The following ZFHX3 variants were observed in gnomAD, a reference collection of about 807,000 sequenced individuals.
ZFHX3 encodes zinc finger homeobox protein 3.
Under a neutral mutation model 279.1 loss-of-function variants are expected in ZFHX3, and 42 were observed. The ratio of observed to expected loss-of-function variants is 0.15; its 90% CI spans 0.12 to 0.19. The LOEUF (loss-of-function observed/expected upper bound fraction) is 0.19. ZFHX3 is among the 10% of genes least tolerant of loss of function. The probability of loss-of-function intolerance (pLI) is 1.00; values close to 1 mark genes in which losing one functional copy is unlikely to be tolerated. For missense variants in ZFHX3, 4,981 were observed against 4,754.0 expected (o/e 1.05, Z -1.40); for synonymous variants, 2,293 against 1,957.8 (o/e 1.17, Z -4.52).
At chr16:73,724,360 C>T (rs2053500289) in intron 1 of ZFHX3, among the ~76,000 whole-genome samples, 1 of 152,228 alleles carries the variant, frequency 6.6e-6, no homozygotes, top group African/African-American at 2.4e-5. Flanking sequence ...AACCTGTGGT[C>T]ATCAGGCAGA....
chr16:72,979,511 A>G (rs1462837812), intron 1 of ZFHX3, among the ~76,000 whole-genome samples: 1 of 152,202 alleles, frequency 6.6e-6, no homozygotes, highest in African/African-American at 2.4e-5. Flanking sequence ...CTTCACTGTT[A>G]AAATGGAAAT....
At chr16:73,093,629 T>G (rs758375861) in intron 7 of ZFHX3, 29 of 495,894 alleles carry the variant, frequency 5.8e-5, no homozygotes, top group Non-Finnish European at 1.1e-4. Context: ...GAAGGATGAG[T>G]GAACTCGGCC....
In ZFHX3 at chr16:72,959,122, G is replaced by A; in HGVS notation, c.1024C>T (p.Pro342Ser). Residue 342 changes from proline to serine, a missense_variant, in exon 2 of 10, where the codon CCA (proline) becomes TCA (serine). Pro to Ser is a moderately conservative substitution (Grantham distance 74, BLOSUM62 -1). Around this residue, in one of 7 missense-constraint regions of ZFHX3, gnomAD observed 1,068 missense variants for 935.2 expected, o/e 1.14. Coordinates refer to ENST00000268489, the MANE Select transcript of ZFHX3 (RefSeq NM_006885.4). ...DKEPLVSFLE[P>S]KNKNFQHPLV... ...GGGTGTTGAAAGTTTTTGTTTTTTG[G>A]TTCCAGAAAACTTACAAGGGGTTCC... 6.2e-7 allele frequency: 1 copy of A among 1,614,154 alleles called. No homozygotes were observed. The highest frequency in any genetic ancestry group is 8.5e-7 in the Non-Finnish European group (1 of 1,180,026).
intron 1 of ZFHX3, among the ~76,000 whole-genome samples, chr16:73,821,331 G>T (rs1187021028): frequency 6.6e-6 from 1 of 152,178 alleles, no homozygotes; most frequent in Admixed American, 6.6e-5. Flanking sequence ...ACACTGAGGA[G>T]GTATATGGAT....
intron 2 of ZFHX3, among the ~76,000 whole-genome samples, chr16:73,581,329 A>C (rs958500464): frequency 6.6e-6 from 1 of 151,860 alleles, no homozygotes; most frequent in Non-Finnish European, 1.5e-5. Flanking sequence ...CCAAAGTCCT[A>C]TCTACATTAA....
At chr16:73,095,933 C>G (rs1966157002) in intron 7 of ZFHX3, among the ~76,000 whole-genome samples, 1 of 152,204 alleles carries the variant, frequency 6.6e-6, no homozygotes, top group South Asian at 2.1e-4. Flanking sequence ...CTTACTGTAG[C>G]AAACTTTCTT....
chr16:73,025,118 G>C (rs1205195226), intron 1 of ZFHX3, among the ~76,000 whole-genome samples: 1 of 152,234 alleles, frequency 6.6e-6, no homozygotes, highest in Non-Finnish European at 1.5e-5. Flanking sequence ...AACGAAGGGA[G>C]GGTCATTTAG....
intron 1 of ZFHX3, among the ~76,000 whole-genome samples, chr16:73,735,626 C>T (rs1163774647): frequency 6.6e-6 from 1 of 152,114 alleles, no homozygotes; most frequent in African/African-American, 2.4e-5. Flanking sequence ...CCACTATCAC[C>T]AAACAATGAC....
rs532140031 is a variant in ZFHX3, at chr16:73,796,939, C to T, written c.-1608+94712G>A. Reference sequence around the variant, plus strand: ...AGTGAAGGCTGAGTGCAGTGGCTCACGCCTGTAATCCCAGCACTTTGGGAG... The same window carrying T: ...AGTGAAGGCTGAGTGCAGTGGCTCATGCCTGTAATCCCAGCACTTTGGGAG... On this transcript the variant is annotated intron_variant, in intron 1 of 17. Transcript: ENST00000641206. Among the ~76,000 whole-genome samples the T allele has an allele frequency of 6.9e-4, 105 of 152,214 alleles. 1 individual carries two copies. The highest frequency in any genetic ancestry group is 1.9e-3 in the African/African-American group (78 of 41,534).
rs60955432 is a variant in ZFHX3 at position 73,631,927 on chromosome 16, TCACACACA to T, written c.-1547+48245_-1547+48252del. Among the ~76,000 whole-genome samples, 741 of 136,786 alleles carry T rather than the reference TCACACACA, an allele frequency of 5.4e-3. 7 individuals carry two copies. The highest frequency in any genetic ancestry group is 0.014 in the African/African-American group (482 of 34,416). 89.7% of individuals were successfully genotyped at this position (136,786 alleles called of 152,430 possible). A position where few individuals can be genotyped will look rare whatever the true frequency, so the allele number is the denominator to read the frequency against. Reference sequence around the variant, plus strand: ...CTCTCTCTCTCTCTCTCTCTCTCTCTCACACACACACACACACACACACACACACACAC... The same window carrying T: ...CTCTCTCTCTCTCTCTCTCTCTCTCTCACACACACACACACACACACACAC... On this transcript the variant is annotated intron_variant, in intron 2 of 17. Transcript: ENST00000641206.
intron 3 of ZFHX3, among the ~76,000 whole-genome samples, chr16:73,392,949 C>G (rs1370890595): frequency 6.6e-6 from 1 of 152,242 alleles, no homozygotes; most frequent in East Asian, 1.9e-4. Context: ...ATTCTCCCGC[C>G]TCAGCCTCCT....
At chr16:73,025,027 C>T (rs74030209) in intron 1 of ZFHX3, among the ~76,000 whole-genome samples, 5,502 of 152,240 alleles carry the variant, frequency 0.036, 317 homozygotes, top group East Asian at 0.29. Context: ...ATATGATCTC[C>T]GCATGTATCC....
intron 4 of ZFHX3, among the ~76,000 whole-genome samples, chr16:73,304,020 G>A (rs945238282): frequency 2.1e-4 from 31 of 144,744 alleles, no homozygotes; most frequent in African/African-American, 7.8e-4. Context: ...TCTCTGTGTT[G>A]TGTATCCTCA....
intron 4 of ZFHX3, among the ~76,000 whole-genome samples, chr16:73,287,200 T>G (rs2014634298): frequency 7.0e-6 from 1 of 143,706 alleles, no homozygotes; most frequent in Admixed American, 6.9e-5. Context: ...GTGTGGTCAG[T>G]GTATGGCTGT....
In ZFHX3 at chr16:73,349,752, C is replaced by A. The variant is rs1247297784; in HGVS notation, c.-1290-31416G>T. 1.1e-4 allele frequency among the ~76,000 whole-genome samples: 9 copies of A among 80,192 alleles called. No homozygotes were observed. In the East Asian group the frequency reaches 1.3e-3, roughly 12 times the overall value. The allele number at this position is 80,192 out of a possible 152,430, so 52.6% of individuals were successfully genotyped here. On this transcript the variant is annotated intron_variant, in intron 3 of 17. Coordinates refer to the ZFHX3 transcript ENST00000641206. ...CCCTCTCCCTTCCTTCCCTCCCTCC[C>A]TCCCTCCTTCCTCCCTCTTTTTTCC...
intron 1 of ZFHX3, among the ~76,000 whole-genome samples, chr16:73,721,280 C>T (rs145984937): frequency 0.017 from 2,616 of 152,290 alleles, 77 homozygotes; most frequent in African/African-American, 0.06. Context: ...AGCCACCACA[C>T]CCAGCTAATT....
chr16:73,041,680 G>A (rs934915214), intron 1 of ZFHX3, among the ~76,000 whole-genome samples: 19 of 152,092 alleles, frequency 1.2e-4, no homozygotes, highest in South Asian at 4.2e-4. Context: ...ACCTCCTGCC[G>A]CACACACTGA....
intron 5 of ZFHX3, among the ~76,000 whole-genome samples, chr16:73,245,833 C>T (rs768057333): frequency 5.3e-5 from 8 of 152,068 alleles, no homozygotes; most frequent in Non-Finnish European, 8.8e-5. Context: ...GAAGTGAAAG[C>T]GTAAGAGTAA....
intron 1 of ZFHX3, among the ~76,000 whole-genome samples, chr16:73,769,513 A>G (rs1462931647): frequency 6.6e-6 from 1 of 152,226 alleles, no homozygotes; most frequent in Non-Finnish European, 1.5e-5. Flanking sequence ...AAATTTTAAT[A>G]GGAATGAGCA....
Sources: allele counts gnomAD v4.1 joint callset (sites outside exome capture counted in the v4.1 genomes callset), GRCh38; gene constraint gnomAD v4.1.1; regional missense constraint gnomAD v4.1.1; transcripts MANE v1.5; gene names NCBI Gene and HGNC (gene_info 2026-07-23, HGNC 2026-07-21).